Variants in MTUS1 observed in about 807,000 individuals in gnomAD.
The protein encoded by MTUS1 is microtubule associated scaffold protein 1.
Under a neutral mutation model 120.8 loss-of-function variants are expected in MTUS1, and 109 were observed. The ratio of observed to expected loss-of-function variants is 0.90; its 90% confidence interval spans 0.77 to 1.06. The LOEUF (loss-of-function observed/expected upper bound fraction) is 1.06. Ranked by LOEUF, MTUS1 falls within the 50% of genes least tolerant of loss-of-function variation. The pLI, the probability that MTUS1 is intolerant of heterozygous loss-of-function variation, is 0.00. For missense variants in MTUS1, 2,210 were observed against 1,486.3 expected, an observed-to-expected ratio of 1.49 and a Z score of -8.01; for synonymous variants, 737 against 550.5, an observed-to-expected ratio of 1.34 and a Z score of -4.74.
chr8:17,732,639 G>T (rs1281194355), intron 3 of MTUS1, among the ~76,000 whole-genome samples: 1 of 151,998 alleles, frequency 6.6e-6, no homozygotes, highest in Non-Finnish European at 1.5e-5. Flanking sequence ...TACTCCACAT[G>T]GCCTCTTATC....
intron 8 of MTUS1, among the ~76,000 whole-genome samples, chr8:17,660,731 C>A (rs1009757683): frequency 6.6e-6 from 1 of 152,128 alleles, no homozygotes; most frequent in African/African-American, 2.4e-5. Context: ...TAACAGCCAT[C>A]CTAATGAGTA....
intron 8 of MTUS1, among the ~76,000 whole-genome samples, chr8:17,661,674 G>GTTGGCC (rs57262372): frequency 0.12 from 17,980 of 151,584 alleles, 1,561 homozygotes; most frequent in East Asian, 0.24. Flanking sequence ...CTGACGTTTT[G>GTTGGCC]ATAAGTGAGG....
At position 17,644,042 on chromosome 8, in the gene MTUS1, C is replaced by T. The variant is rs1033058688; in HGVS notation, c.*1884G>A. ...ATTAACTGCTATGAGATTTATTTGC[C>T]GGTCACGTAATACGGAGGACAGCAG... is the stretch of plus-strand genomic sequence containing the variant. On this transcript the variant is annotated 3_prime_UTR_variant, in exon 15 of 15. Coordinates refer to ENST00000693296, the MANE Select transcript of MTUS1 (RefSeq NM_001363059.2). The T allele has an allele frequency of 2.0e-5, 3 of 152,246 alleles. No individual in the cohort carries two copies. The highest frequency in any genetic ancestry group is 6.5e-5 in the Admixed American group (1 of 15,286). 9.4% of individuals were successfully genotyped at this position (152,246 alleles called of 1,614,324 possible).
At position 17,653,279 on chromosome 8, in the gene MTUS1, C is replaced by A. The variant is rs1242379318; in HGVS notation, c.3291G>T (p.Lys1097Asn). The A allele has an allele frequency of 6.5e-7, 1 of 1,544,358 alleles. No homozygotes were observed. The highest frequency in any genetic ancestry group is 2.3e-5 in the Admixed American group (1 of 43,382). The change falls in exon 12 of 15, where the codon AAG (lysine) becomes AAT (asparagine). Residue 1097 changes from lysine (K) to asparagine (N), a missense_variant and splice_region_variant. Coordinates refer to ENST00000693296, the MANE Select transcript of MTUS1 (RefSeq NM_001363059.2). ...LLSEKQESLEKQINDLKSEND... is the reference protein window; with the variant it reads ...LLSEKQESLENQINDLKSEND... ...TTTCACTCTTCAGATCATTGATTTG[C>A]TTCTAAAACACAATGAAATGTGGAA... is the stretch of plus-strand genomic sequence containing the variant.
chr8:17,768,433 C>G (rs7006669), intron 1 of MTUS1, among the ~76,000 whole-genome samples: 117,500 of 152,100 alleles, frequency 0.77, 45,750 homozygotes, highest in Middle Eastern at 0.84. Flanking sequence ...CCAAGGAAAA[C>G]TAATTTGCTT....
chr8:17,669,201 C>G (rs1333521720), intron 8 of MTUS1, among the ~76,000 whole-genome samples: 2 of 152,160 alleles, frequency 1.3e-5, no homozygotes, highest in African/African-American at 4.8e-5. Context: ...CTAGAAGGCA[C>G]AGTTAACTTA....
At chr8:17,696,098 G>A (rs1004592547) in intron 6 of MTUS1, among the ~76,000 whole-genome samples, 3 of 152,150 alleles carry the variant, frequency 2.0e-5, no homozygotes, top group Admixed American at 2.0e-4. Context: ...CTATTAATTT[G>A]TTCAGTTGGA....
chr8:17,766,554 A>G (rs1258332391), intron 1 of MTUS1, among the ~76,000 whole-genome samples: 1 of 152,208 alleles, frequency 6.6e-6, no homozygotes, highest in Non-Finnish European at 1.5e-5. Flanking sequence ...AGAGTTAAGT[A>G]TTTGTGAGGC....
chr8:17,766,724 T>A (rs1018369186), intron 1 of MTUS1, among the ~76,000 whole-genome samples: 1 of 152,162 alleles, frequency 6.6e-6, no homozygotes, highest in Non-Finnish European at 1.5e-5. Context: ...TAACAGAGAA[T>A]TGATTTTGAT....
At chr8:17,696,702 C>T (rs577489326) in intron 6 of MTUS1, among the ~76,000 whole-genome samples, 1 of 152,290 alleles carries the variant, frequency 6.6e-6, no homozygotes, top group South Asian at 2.1e-4. Flanking sequence ...TTTGAGACTG[C>T]ACACACTTTT....
intron 1 of MTUS1, among the ~76,000 whole-genome samples, chr8:17,788,014 C>T (rs970463135): frequency 1.3e-5 from 2 of 151,958 alleles, no homozygotes; most frequent in East Asian, 1.9e-4. Context: ...CCAGCTACTC[C>T]GGAGGCTGAA....
At chr8:17,678,851 C>A (rs897514411) in intron 7 of MTUS1, among the ~76,000 whole-genome samples, 1 of 151,974 alleles carries the variant, frequency 6.6e-6, no homozygotes, top group Admixed American at 6.6e-5. Context: ...CCCAATAGAC[C>A]CTTTTAGGAA....
At chr8:17,782,875 C>T (rs903842030) in intron 1 of MTUS1, among the ~76,000 whole-genome samples, 2 of 152,092 alleles carry the variant, frequency 1.3e-5, no homozygotes, top group Non-Finnish European at 1.5e-5. Context: ...GTCAGGAGTT[C>T]GGGACCAGCC....
chr8:17,783,894 C>A lies in MTUS1; in HGVS notation c.-155+17167G>T, dbSNP rs548654547. Among the ~76,000 whole-genome samples the A allele has an allele frequency of 3.3e-5, 5 of 152,262 alleles. No individual in the cohort carries two copies. The South Asian group carries it at 1.0e-3, about 32-fold the overall frequency. On this transcript the variant is annotated intron_variant, in intron 1 of 14. Coordinates refer to ENST00000693296, the MANE Select transcript of MTUS1 (RefSeq NM_001363059.2). ...GACCACCACTCCAATTCCCAAAGAC[C>A]TATGGGCCCCGATGACATGAAGGTC... is the stretch of plus-strand genomic sequence containing the variant.
chr8:17,717,780 G>C (rs1361719068), intron 4 of MTUS1, among the ~76,000 whole-genome samples: 2 of 151,988 alleles, frequency 1.3e-5, no homozygotes, highest in Non-Finnish European at 2.9e-5. Flanking sequence ...GTGGTGTGCT[G>C]GAAATCAGCT....
intron 6 of MTUS1, among the ~76,000 whole-genome samples, chr8:17,700,514 G>T (rs1000593390): frequency 1.4e-5 from 2 of 147,720 alleles, no homozygotes; most frequent in African/African-American, 5.0e-5. Context: ...CCTGTGTTAG[G>T]ATGTCAGTGG....
chr8:17,697,170 C>T, intron 6 of MTUS1: 7 of 1,460,320 alleles, frequency 4.8e-6, no homozygotes, highest in Non-Finnish European at 6.4e-6. Context: ...AATTATCTGT[C>T]TCCTTGGAAA....
chr8:17,730,845 T>A (rs2046525381), intron 3 of MTUS1, among the ~76,000 whole-genome samples: 1 of 152,024 alleles, frequency 6.6e-6, no homozygotes, highest in Non-Finnish European at 1.5e-5. Context: ...GTTAGTAAAA[T>A]GGATACAGGA....
At chr8:17,728,039 T>TA (rs1480864884) in intron 3 of MTUS1, among the ~76,000 whole-genome samples, 2 of 152,174 alleles carry the variant, frequency 1.3e-5, no homozygotes, top group Non-Finnish European at 2.9e-5. Flanking sequence ...CTAGCAAAAC[T>TA]AAAATTTCAA....
Sources: gnomAD v4.1 joint callset for allele counts (sites outside exome capture counted in the v4.1 genomes callset) on GRCh38, gnomAD v4.1.1 for gene constraint, MANE v1.5 for transcripts, NCBI Gene and HGNC (gene_info 2026-07-23, HGNC 2026-07-21) for gene names.